The following NECTIN1 variants were observed in gnomAD, a reference collection of about 807,000 sequenced individuals.
The protein encoded by NECTIN1 is nectin cell adhesion molecule 1.
In NECTIN1, 23 loss-of-function variants were observed where a neutral mutation model predicts 48.0. The observed-to-expected ratio is 0.48, with a 90% confidence interval of 0.34 to 0.68. The LOEUF (loss-of-function observed/expected upper bound fraction) is 0.68. Ranked by LOEUF, NECTIN1 falls within the 30% of genes least tolerant of loss-of-function variation. The pLI, the probability that NECTIN1 is intolerant of heterozygous loss-of-function variation, is 0.01. For missense variants in NECTIN1, 591 were observed against 709.9 expected, an observed-to-expected ratio of 0.83 and a Z score of 1.90; for synonymous variants, 270 against 288.9, an observed-to-expected ratio of 0.93 and a Z score of 0.66.
Position 119,677,444 on chromosome 11 carries a change from A to T in NECTIN1, c.733+111T>A. The T allele has an allele frequency of 8.0e-7, 1 of 1,244,698 alleles. No individual in the cohort carries two copies. The highest frequency in any genetic ancestry group is 1.2e-6 in the Non-Finnish European group (1 of 854,968). The allele number at this position is 1,244,698 out of a possible 1,614,324, so 77.1% of individuals were successfully genotyped here. On this transcript the variant is annotated intron_variant, in intron 3 of 5. Transcript: ENST00000264025. The surrounding 1 kb of genome is among the most constrained non-coding windows in gnomAD (Gnocchi z 5.4). ...AAAGGGAGGAGATAGGGGAGACAGGAGGGGAGAAGAAAGCACCCCCAGAAA... is the reference window on the plus strand; with the variant it reads ...AAAGGGAGGAGATAGGGGAGACAGGTGGGGAGAAGAAAGCACCCCCAGAAA...
At chr11:119,706,816 T>C (rs1865554801) in intron 1 of NECTIN1, among the ~76,000 whole-genome samples, 1 of 152,220 alleles carries the variant, frequency 6.6e-6, no homozygotes, top group South Asian at 2.1e-4. Flanking sequence ...TATACTCTTA[T>C]TTAATCCTCG....
At chr11:119,638,190 G>A (rs772716591) in exon 8 of NECTIN1, 6 of 1,614,066 alleles carry the variant, frequency 3.7e-6, no homozygotes, top group Non-Finnish European at 2.5e-6. Context: ...TGCAGGGACA[G>A]CTTCTGCAAG....
At chr11:119,723,730 A>G (rs1409755195) in intron 1 of NECTIN1, among the ~76,000 whole-genome samples, 1 of 152,186 alleles carries the variant, frequency 6.6e-6, no homozygotes, top group Non-Finnish European at 1.5e-5. Context: ...AGCCCCCAAC[A>G]GCACGAGAGA....
At chr11:119,638,715 G>T (rs1476928234) in intron 7 of NECTIN1, 20 of 1,610,122 alleles carry the variant, frequency 1.2e-5, no homozygotes, top group Non-Finnish European at 1.7e-5. Flanking sequence ...CTTGTCCTCT[G>T]CTGCCTCAGG....
intron 1 of NECTIN1, among the ~76,000 whole-genome samples, chr11:119,722,677 TC>T (rs2134346829): frequency 6.6e-6 from 1 of 152,262 alleles, no homozygotes; most frequent in South Asian, 2.1e-4. Context: ...GCAGCCAGGC[TC>T]CCGAGTGGGG....
intron 5 of NECTIN1, among the ~76,000 whole-genome samples, chr11:119,649,863 G>C (rs1211320192): frequency 2.0e-5 from 3 of 152,202 alleles, no homozygotes. Context: ...GGCTACTCAG[G>C]AGGAAATGAA....
At chr11:119,645,278 A>G (rs968493268) in intron 5 of NECTIN1, among the ~76,000 whole-genome samples, 1 of 152,066 alleles carries the variant, frequency 6.6e-6, no homozygotes, top group South Asian at 2.1e-4. Context: ...CTTTCCCCCA[A>G]TGACCAGAGA....
chr11:119,653,777 T>A (rs150126577), intron 5 of NECTIN1, among the ~76,000 whole-genome samples: 6 of 152,364 alleles, frequency 3.9e-5, no homozygotes, highest in African/African-American at 1.4e-4. Flanking sequence ...TTGAGTGCTT[T>A]ACAAGGAGTC....
chr11:119,650,303 C>T lies in NECTIN1; in HGVS notation c.1004-10291G>A, dbSNP rs148234310. On this transcript the variant is annotated intron_variant, in intron 5 of 7. Transcript: ENST00000341398. Reference sequence around the variant, plus strand: ...GCTTAGCCTGGGCTCAGAGGCTTGACAGAGGTCTGTGCTCCTTCCCAGTGC... The same window carrying T: ...GCTTAGCCTGGGCTCAGAGGCTTGATAGAGGTCTGTGCTCCTTCCCAGTGC... Among the ~76,000 whole-genome samples, 68 of 152,330 alleles carry T rather than the reference C, an allele frequency of 4.5e-4. 1 individual carries two copies. The highest frequency in any genetic ancestry group is 1.5e-3 in the African/African-American group (64 of 41,580).
Position 119,672,523 on chromosome 11 carries a change from G to A in NECTIN1, c.1003+2636C>T, listed in dbSNP as rs180998076. 1.9e-3 allele frequency among the ~76,000 whole-genome samples: 291 copies of A among 152,258 alleles called. No homozygotes were observed. The highest frequency in any genetic ancestry group is 6.7e-3 in the African/African-American group (279 of 41,546). The stretch of plus-strand genomic sequence containing the variant: ...GGTCCATCTCCTCGGTGCCCCCATC[G>A]CCACAGCCACAGCCTGGGCCTGTTG... On this transcript the variant is annotated intron_variant, in intron 5 of 5. Transcript: ENST00000264025. The surrounding 1 kb of genome is among the most constrained non-coding windows in gnomAD (Gnocchi z 4.3).
intron 1 of NECTIN1, among the ~76,000 whole-genome samples, chr11:119,718,701 T>G (rs968545146): frequency 2.6e-5 from 4 of 152,130 alleles, no homozygotes; most frequent in African/African-American, 9.7e-5. Flanking sequence ...GGGGCCCAAA[T>G]GGTATCAGTG....
At position 119,664,152 on chromosome 11, in the gene NECTIN1, C is replaced by G. The variant is rs991185499; in HGVS notation, c.*595G>C. ...AAACACTGCCCAAGGCCCCGCTTAACAAACAAGACTCCCTGGGAACTGGGG... is the reference window on the plus strand; with the variant it reads ...AAACACTGCCCAAGGCCCCGCTTAAGAAACAAGACTCCCTGGGAACTGGGG... On this transcript the variant is annotated 3_prime_UTR_variant, in exon 6 of 6. Transcript: ENST00000264025. 2.0e-6 allele frequency: 2 copies of G among 986,136 alleles called. No individual in the cohort carries two copies. The highest frequency in any genetic ancestry group is 1.7e-5 in the African/African-American group (1 of 57,208). 61.1% of individuals were successfully genotyped at this position (986,136 alleles called of 1,614,324 possible). A position where few individuals can be genotyped will look rare whatever the true frequency, so the allele number is the denominator to read the frequency against.
In NECTIN1 at chr11:119,661,279, A is replaced by T; in HGVS notation, c.*3468T>A. The T allele has an allele frequency of 1.0e-6, 1 of 985,924 alleles. No individual in the cohort carries two copies. Among genetic ancestry groups the T allele is most frequent in the Non-Finnish European group, 1.2e-6 (1 of 829,948 alleles). The allele number at this position is 985,924 out of a possible 1,614,324, so 61.1% of individuals were successfully genotyped here. Reference sequence around the variant, plus strand: ...TTTTCGACCAAGAATCCCATTCCTCACAGCAGGGGTCAGAAGAGCAGCAGC... The same window carrying T: ...TTTTCGACCAAGAATCCCATTCCTCTCAGCAGGGGTCAGAAGAGCAGCAGC... On this transcript the variant is annotated 3_prime_UTR_variant, in exon 6 of 6. Coordinates refer to ENST00000264025, the MANE Select transcript of NECTIN1 (RefSeq NM_002855.5).
In NECTIN1 at chr11:119,683,367, C is replaced by A. The variant is rs1430133168; in HGVS notation, c.80-4602G>T. ...CCCAGCCCAGTGCTTTCCCACCCTG[C>A]CACAAAAACAGACTCTGGCTCAACC... On this transcript the variant is annotated intron_variant, in intron 1 of 5. Transcript: ENST00000264025. This position sits in a 1 kb window ranked among gnomAD's most constrained non-coding sequence, Gnocchi z 4.0. 6.6e-6 allele frequency among the ~76,000 whole-genome samples: 1 copy of A among 152,136 alleles called. No homozygotes were observed. Among genetic ancestry groups the A allele is most frequent in the African/African-American group, 2.4e-5 (1 of 41,424 alleles).
At chr11:119,639,161 A>AT (rs1234448601) in intron 6 of NECTIN1, among the ~76,000 whole-genome samples, 8 of 152,012 alleles carry the variant, frequency 5.3e-5, no homozygotes, top group African/African-American at 1.9e-4. Flanking sequence ...GGTGCACGGT[A>AT]TGCGGCACCG....
In NECTIN1 at chr11:119,661,325, C is replaced by T; in HGVS notation, c.*3422G>A. 1 of 986,216 alleles carries T rather than the reference C, an allele frequency of 1.0e-6. No individual in the cohort carries two copies. The highest frequency in any genetic ancestry group is 1.2e-6 in the Non-Finnish European group (1 of 830,208). The allele number at this position is 986,216 out of a possible 1,614,324, so 61.1% of individuals were successfully genotyped here. A position where few individuals can be genotyped will look rare whatever the true frequency, so the allele number is the denominator to read the frequency against. ...GCAGCACCGAGTGGGACAGGGGCTCCTCCTGGCCTCACAAGCTGGGCAGTG... is the reference window on the plus strand; with the variant it reads ...GCAGCACCGAGTGGGACAGGGGCTCTTCCTGGCCTCACAAGCTGGGCAGTG... On this transcript the variant is annotated 3_prime_UTR_variant, in exon 6 of 6. Coordinates refer to ENST00000264025, the MANE Select transcript of NECTIN1 (RefSeq NM_002855.5).
chr11:119,643,439 G>A (rs965536761), intron 5 of NECTIN1, among the ~76,000 whole-genome samples: 5 of 152,244 alleles, frequency 3.3e-5, no homozygotes, highest in Admixed American at 3.3e-4. Flanking sequence ...GGATCGTCCA[G>A]ATAGTCAGTG....
intron 1 of NECTIN1, among the ~76,000 whole-genome samples, chr11:119,682,632 A>G (rs1297505782): frequency 6.6e-6 from 1 of 152,204 alleles, no homozygotes; most frequent in Non-Finnish European, 1.5e-5. Flanking sequence ...TAAGATGGGG[A>G]TTATAATAGC....
intron 1 of NECTIN1, among the ~76,000 whole-genome samples, chr11:119,722,119 G>C (rs1865841663): frequency 2.0e-5 from 3 of 152,218 alleles, no homozygotes. Flanking sequence ...AGAAGACCCA[G>C]TGTCTAATTT....
Sources: allele counts gnomAD v4.1 joint callset (sites outside exome capture counted in the v4.1 genomes callset), GRCh38; gene constraint gnomAD v4.1.1; non-coding constraint Gnocchi (gnomAD v3.1); transcripts MANE v1.5; gene names NCBI Gene and HGNC (gene_info 2026-07-23, HGNC 2026-07-21).